Variants in TUBAL3 observed in about 807,000 individuals in gnomAD.
The protein encoded by TUBAL3 is tubulin alpha chain-like 3.
In TUBAL3, 16 loss-of-function variants were observed where a neutral mutation model predicts 15.5. The observed-to-expected ratio is 1.04, with a 90% CI of 0.70 to 1.57. The LOEUF (loss-of-function observed/expected upper bound fraction) is 1.57. Among genes scored for constraint, TUBAL3 ranks in the 40% most tolerant of loss-of-function variants. TUBAL3 has a pLI of 0.00. For synonymous variants in TUBAL3, 238 were observed against 224.3 expected (o/e 1.06, Z -0.55); for missense variants, 609 against 576.2 (o/e 1.06, Z -0.58).
At chr10:5,403,016 G>A (rs1341976994) in intron 1 of TUBAL3, among the ~76,000 whole-genome samples, 1 of 152,184 alleles carries the variant, frequency 6.6e-6, no homozygotes, top group East Asian at 1.9e-4. Context: ...ATGCTCAATG[G>A]CATCAAACCT....
Position 5,395,380 on chromosome 10 carries a change from A to G in TUBAL3, c.343T>C (p.Tyr115His). Residue 115 changes from tyrosine (Y) to histidine (H), a missense_variant, in exon 3 of 4, where the codon TAC becomes CAC. Coordinates refer to ENST00000380419, the MANE Select transcript of TUBAL3 (RefSeq NM_024803.3). The surrounding 1 kb of genome is among the most constrained non-coding windows in gnomAD (Gnocchi z 4.6). ...DAANNYARGR[Y>H]SVGSEVIDLV... Reference sequence around the variant, plus strand: ...TCGATGACCTCCGACCCCACAGAGTAACGGCCTCGCGCGTAATTGTTAGCA... The same window carrying G: ...TCGATGACCTCCGACCCCACAGAGTGACGGCCTCGCGCGTAATTGTTAGCA... The G allele has an allele frequency of 6.2e-7, 1 of 1,606,228 alleles. No individual in the cohort carries two copies. Among genetic ancestry groups the G allele is most frequent in the South Asian group, 1.1e-5 (1 of 90,082 alleles).
chr10:5,395,172 G>T lies in TUBAL3; in HGVS notation c.396+155C>A. The T allele has an allele frequency of 1.3e-6, 1 of 775,042 alleles. No individual in the cohort carries two copies. Among genetic ancestry groups the T allele is most frequent in the Non-Finnish European group, 1.9e-6 (1 of 529,168 alleles). 48.0% of individuals were successfully genotyped at this position (775,042 alleles called of 1,614,324 possible). ...AGTAACAAGGGGAAATCAAAGCCAAGATGAGAACCCCTCCCCAGTTCTGAG... is the reference window on the plus strand; with the variant it reads ...AGTAACAAGGGGAAATCAAAGCCAATATGAGAACCCCTCCCCAGTTCTGAG... On this transcript the variant is annotated intron_variant, in intron 3 of 3. Coordinates refer to ENST00000380419, the MANE Select transcript of TUBAL3 (RefSeq NM_024803.3). The surrounding 1 kb of genome is among the most constrained non-coding windows in gnomAD (Gnocchi z 4.6).
rs376910379 is a variant in TUBAL3, at chr10:5,400,989, G to A, written c.102C>T (p.Gly34=). The part of the protein sequence containing the change: ...YCLEHGIQPN[G]VVLDTQQDQL... The stretch of plus-strand genomic sequence containing the variant: ...GATCCTGTTGAGTGTCAAGAACAAC[G>A]CCATTTGGCTGGATTCCATGTTCCA... Residue 34 remains glycine (G), a synonymous_variant, in exon 2 of 4, where the codon GGC becomes GGT. Coordinates refer to ENST00000380419, the MANE Select transcript of TUBAL3 (RefSeq NM_024803.3). The A allele has an allele frequency of 8.7e-6, 14 of 1,614,058 alleles. No homozygotes were observed. Among genetic ancestry groups the A allele is most frequent in the East Asian group, 2.2e-5 (1 of 44,892 alleles).
At position 5,395,095 on chromosome 10, in the gene TUBAL3, T is replaced by C. The variant is rs1831742813; in HGVS notation, c.396+232A>G. ...CCTGTGTTAGGAGAACCAGGGATGA[T>C]CAGGTGATCAGGGGACCCCCCAGTA... is the stretch of plus-strand genomic sequence containing the variant. On this transcript the variant is annotated intron_variant, in intron 3 of 3. Coordinates refer to ENST00000380419, the MANE Select transcript of TUBAL3 (RefSeq NM_024803.3). The surrounding 1 kb of genome is among the most constrained non-coding windows in gnomAD (Gnocchi z 4.6). Among the ~76,000 whole-genome samples, 1 of 152,086 alleles carries C rather than the reference T, an allele frequency of 6.6e-6. No individual in the cohort carries two copies. Among genetic ancestry groups the C allele is most frequent in the African/African-American group, 2.4e-5 (1 of 41,410 alleles).
chr10:5,393,875 C>A lies in TUBAL3; in HGVS notation c.983G>T (p.Gly328Val), dbSNP rs1711187576. The change falls in exon 4 of 4, where the codon GGG becomes GTG. Residue 328 changes from glycine to valine, a missense_variant. Coordinates refer to ENST00000380419, the MANE Select transcript of TUBAL3 (RefSeq NM_024803.3). The part of the protein sequence containing the change: ...KYMACCLLYR[G>V]DVVPKEVNAA... Reference sequence around the variant, plus strand: ...ATTCACTTCCTTGGGGACCACATCCCCTCTATAGAGTAGGCAGCAGGCCAT... The same window carrying A: ...ATTCACTTCCTTGGGGACCACATCCACTCTATAGAGTAGGCAGCAGGCCAT... 2 of 1,614,082 alleles carry A rather than the reference C, an allele frequency of 1.2e-6. No individual in the cohort carries two copies. Among genetic ancestry groups the A allele is most frequent in the African/African-American group, 2.7e-5 (2 of 74,914 alleles).
At chr10:5,402,367 G>A (rs1224909410) in intron 1 of TUBAL3, among the ~76,000 whole-genome samples, 2 of 152,220 alleles carry the variant, frequency 1.3e-5, no homozygotes, top group Admixed American at 1.3e-4. Context: ...TAATATTGGT[G>A]TGGTTTGATT....
At chr10:5,398,631 T>C (rs1167469514) in intron 2 of TUBAL3, among the ~76,000 whole-genome samples, 1 of 152,118 alleles carries the variant, frequency 6.6e-6, no homozygotes, top group Admixed American at 6.5e-5. Flanking sequence ...ACATATTGGA[T>C]GACTCCCCGG....
In TUBAL3 at chr10:5,393,500, C is replaced by T. The variant is rs1224565563; in HGVS notation, c.*17G>A. On this transcript the variant is annotated 3_prime_UTR_variant, in exon 4 of 4. Coordinates refer to ENST00000380419, the MANE Select transcript of TUBAL3 (RefSeq NM_024803.3). ...GCCATTTTAACTTGACATTCATTTG[C>T]ACCCATCATACATGCCTCAGAAACT... The T allele has an allele frequency of 1.9e-6, 3 of 1,570,340 alleles. No homozygotes were observed. Among genetic ancestry groups the T allele is most frequent in the Non-Finnish European group, 2.6e-6 (3 of 1,157,838 alleles).
At chr10:5,401,565 G>A (rs1412922014) in intron 1 of TUBAL3, among the ~76,000 whole-genome samples, 3 of 151,836 alleles carry the variant, frequency 2.0e-5, no homozygotes, top group South Asian at 4.2e-4. Context: ...AAAACTCATC[G>A]CAGATAAATT....
In TUBAL3 at chr10:5,395,414, C is replaced by G; in HGVS notation, c.309G>C (p.Lys103Asn). 6.2e-7 allele frequency: 1 copy of G among 1,606,850 alleles called. No homozygotes were observed. Among genetic ancestry groups the G allele is most frequent in the Admixed American group, 1.7e-5 (1 of 59,432 alleles). ...GCGCGTAATTGTTAGCAGCATCCTC[C>G]TTTCCGCTAAGGAGCTGCTCGGGGT... ...LFHPEQLLSG[K>N]EDAANNYARG... The change falls in exon 3 of 4, where the codon AAG becomes AAC. Residue 103 changes from lysine (K) to asparagine (N), a missense_variant. Lys to Asn is a moderately conservative substitution (Grantham distance 94). Transcript: ENST00000380419. This position sits in a 1 kb window ranked among gnomAD's most constrained non-coding sequence, Gnocchi z 4.6.
chr10:5,396,035 C>G lies in TUBAL3; in HGVS notation c.248-560G>C, dbSNP rs1831759292. On this transcript the variant is annotated intron_variant, in intron 2 of 3. Coordinates refer to ENST00000380419, the MANE Select transcript of TUBAL3 (RefSeq NM_024803.3). The surrounding 1 kb of genome is among the most constrained non-coding windows in gnomAD (Gnocchi z 5.1). Reference sequence around the variant, plus strand: ...GGCCCACCCTAATCCAGGAGGACCTCATTTTAACTAGCTACATCAGCAAAG... The same window carrying G: ...GGCCCACCCTAATCCAGGAGGACCTGATTTTAACTAGCTACATCAGCAAAG... 6.6e-6 allele frequency among the ~76,000 whole-genome samples: 1 copy of G among 152,186 alleles called. No individual in the cohort carries two copies. Among genetic ancestry groups the G allele is most frequent in the Admixed American group, 6.5e-5 (1 of 15,268 alleles).
chr10:5,400,771 T>C, intron 2 of TUBAL3, 73 bp downstream of exon 2: 3 of 1,579,604 alleles, frequency 1.9e-6, no homozygotes, highest in Admixed American at 3.4e-5. Flanking sequence ...CTGTATAATC[T>C]GCTAATCCCA....
At chr10:5,398,761 TA>T (rs1831804233) in intron 2 of TUBAL3, among the ~76,000 whole-genome samples, 1 of 152,034 alleles carries the variant, frequency 6.6e-6, no homozygotes, top group African/African-American at 2.4e-5. Context: ...CGTTTTGCAA[TA>T]TTTTTTTTTG....
Position 5,394,014 on chromosome 10 carries a change from T to TG in TUBAL3, c.843dup (p.Ile282HisfsTer5). 7 of 1,614,026 alleles carry TG rather than the reference T, an allele frequency of 4.3e-6. No individual in the cohort carries two copies. Among genetic ancestry groups the TG allele is most frequent in the Non-Finnish European group, 5.9e-6 (7 of 1,179,984 alleles). On this transcript the variant is annotated frameshift_variant, in exon 4 of 4. Transcript: ENST00000380419. LOFTEE classifies it low-confidence loss of function (END_TRUNC). The surrounding 1 kb of genome is among the most constrained non-coding windows in gnomAD (Gnocchi z 4.3). ...TGGTAGGCTTTGTCAGCAGAGACGA[T>TG]GGGGGCGAAGGCTGTCATGGGGAAA... is the stretch of plus-strand genomic sequence containing the variant.
chr10:5,399,369 G>T (rs998203878), intron 2 of TUBAL3, among the ~76,000 whole-genome samples: 5 of 152,170 alleles, frequency 3.3e-5, no homozygotes, highest in Non-Finnish European at 7.3e-5. Context: ...TTCATTATGG[G>T]ATTAGGGCCC....
Position 5,396,552 on chromosome 10 carries a change from T to C in TUBAL3, c.248-1077A>G, listed in dbSNP as rs1356022469. Among the ~76,000 whole-genome samples, 17 of 152,078 alleles carry C rather than the reference T, an allele frequency of 1.1e-4. No individual in the cohort carries two copies. The highest frequency in any genetic ancestry group is 9.2e-4 in the Admixed American group (14 of 15,282). ...ATGAATTTTAAAAAATAAAGGAATATCCATCTTTTAAATCTGCTTTAAAAG... is the reference window on the plus strand; with the variant it reads ...ATGAATTTTAAAAAATAAAGGAATACCCATCTTTTAAATCTGCTTTAAAAG... On this transcript the variant is annotated intron_variant, in intron 2 of 3. Coordinates refer to ENST00000380419, the MANE Select transcript of TUBAL3 (RefSeq NM_024803.3). This position sits in a 1 kb window ranked among gnomAD's most constrained non-coding sequence, Gnocchi z 5.1.
intron 2 of TUBAL3, among the ~76,000 whole-genome samples, chr10:5,398,150 G>A (rs1397640031): frequency 6.6e-6 from 1 of 152,156 alleles, no homozygotes; most frequent in Admixed American, 6.5e-5. Context: ...GCCGGGTGCA[G>A]TGGCTCTTGC....
At position 5,404,001 on chromosome 10, in the gene TUBAL3, G is replaced by T. The variant is rs1554814862; in HGVS notation, c.3+789C>A. 2.6e-5 allele frequency among the ~76,000 whole-genome samples: 4 copies of T among 152,132 alleles called. 1 individual carries two copies. The South Asian group carries it at 8.3e-4, about 32-fold the overall frequency. Reference sequence around the variant, plus strand: ...CCATTTCCCGCAGTGGAAACATCTTGCAAGACCATAATACAAAATCACACC... The same window carrying T: ...CCATTTCCCGCAGTGGAAACATCTTTCAAGACCATAATACAAAATCACACC... On this transcript the variant is annotated intron_variant, in intron 1 of 3. Transcript: ENST00000380419.
chr10:5,398,297 G>C (rs1414047988), intron 2 of TUBAL3, among the ~76,000 whole-genome samples: 1 of 151,910 alleles, frequency 6.6e-6, no homozygotes, highest in African/African-American at 2.4e-5. Flanking sequence ...ACATGTGCCT[G>C]TAATCCCAGC....
Sources: allele counts gnomAD v4.1 joint callset (sites outside exome capture counted in the v4.1 genomes callset), GRCh38; gene constraint gnomAD v4.1.1; non-coding constraint Gnocchi (gnomAD v3.1); transcripts MANE v1.5; gene names NCBI Gene and HGNC (gene_info 2026-07-23, HGNC 2026-07-21).